The following GARNL3 variants were observed in gnomAD, a reference collection of about 807,000 sequenced individuals.
GARNL3 encodes the protein GTPase activating Rap/RanGAP domain like 3.
A neutral mutation model predicts 125.0 loss-of-function variants in GARNL3; 63 were observed. The ratio of observed to expected loss-of-function variants is 0.50; its 90% confidence interval spans 0.41 to 0.62. The LOEUF is 0.62. Among genes scored for constraint, GARNL3 ranks in the 20% least tolerant of loss-of-function variants. The probability of loss-of-function intolerance (pLI) is 0.00; values close to 1 mark genes in which losing one functional copy is unlikely to be tolerated. For missense variants in GARNL3, 994 were observed against 1,244.0 expected (o/e 0.80, Z 3.02); for synonymous variants, 439 against 457.5 (o/e 0.96, Z 0.52).
intron 22 of GARNL3, among the ~76,000 whole-genome samples, chr9:127,371,180 G>A (rs562301251): frequency 6.6e-6 from 1 of 152,252 alleles, no homozygotes; most frequent in African/African-American, 2.4e-5. Context: ...TATCTTTTAT[G>A]GACCAGTCAC....
intron 1 of GARNL3, among the ~76,000 whole-genome samples, chr9:127,277,584 G>T (rs988313744): frequency 6.6e-6 from 1 of 151,610 alleles, no homozygotes; most frequent in Non-Finnish European, 1.5e-5. Context: ...TTTTGCTTAT[G>T]AAATAAAGTA....
At chr9:127,299,307 CAAAAAAAAAA>C (rs774997294) in intron 2 of GARNL3, among the ~76,000 whole-genome samples, 3 of 22,570 alleles carry the variant, frequency 1.3e-4, no homozygotes, top group African/African-American at 2.8e-4. Context: ...GACTCCGTCT[CAAAAAAAAAA>C]AAAAAAAAAA....
upstream of GARNL3, chr9:127,263,534 C>A: frequency 4.0e-6 from 1 of 250,890 alleles, no homozygotes; most frequent in Non-Finnish European, 6.3e-6. Flanking sequence ...ATGGCAGTAG[C>A]CTCCAGGAAG....
chr9:127,365,861 AT>A (rs1470874451), intron 22 of GARNL3, among the ~76,000 whole-genome samples: 1 of 152,128 alleles, frequency 6.6e-6, no homozygotes, highest in Non-Finnish European at 1.5e-5. Flanking sequence ...CACTGTCGCT[AT>A]TCTACATTTT....
chr9:127,353,481 CTT>C (rs61634410), intron 17 of GARNL3: 486 of 144,828 alleles, frequency 3.4e-3, no homozygotes, highest in South Asian at 6.9e-3. Context: ...AATGGCTGCT[CTT>C]TTTTTTTTTT....
Position 127,291,261 on chromosome 9 carries a change from T to C in GARNL3, c.219+19T>C. ...AGATGAGGTAAGGAAGCCTCCCCAC[T>C]TCCTGTAATGCCACCAAGCACATGA... On this transcript the variant is annotated intron_variant, in intron 2 of 27. Transcript: ENST00000373387. 6.2e-7 allele frequency: 1 copy of C among 1,603,778 alleles called. No homozygotes were observed. The highest frequency in any genetic ancestry group is 1.1e-5 in the South Asian group (1 of 90,758).
chr9:127,263,604 G>C (rs1044023490), upstream of GARNL3: 1 of 789,760 alleles, frequency 1.3e-6, no homozygotes, highest in African/African-American at 1.9e-5. Flanking sequence ...GATTGGAATA[G>C]ACCATGGAGG....
chr9:127,290,508 A>C, intron 1 of GARNL3, among the ~76,000 whole-genome samples: 1 of 152,206 alleles, frequency 6.6e-6, no homozygotes, highest in Non-Finnish European at 1.5e-5. Flanking sequence ...TGCTTTCCCA[A>C]GTCACTACTG....
At chr9:127,247,654 A>G (rs771302325) in intron 2 of GARNL3, among the ~76,000 whole-genome samples, 7 of 151,992 alleles carry the variant, frequency 4.6e-5, no homozygotes, top group Non-Finnish European at 8.8e-5. Context: ...TTGTGGGTAC[A>G]TAGTAGGTGT....
chr9:127,388,782 A>G lies in GARNL3; in HGVS notation c.2528-122A>G, dbSNP rs1588984970. 43 of 688,342 alleles carry G rather than the reference A, an allele frequency of 6.2e-5. No individual in the cohort carries two copies. The East Asian group carries it at 1.1e-3, about 18-fold the overall frequency. 42.6% of individuals were successfully genotyped at this position (688,342 alleles called of 1,614,324 possible). A position where few individuals can be genotyped will look rare whatever the true frequency, so the allele number is the denominator to read the frequency against. ...TGGCCAGCCCTCCCAGTGGGACATT[A>G]CAGATCAGTGTGTGACATAACGTCT... On this transcript the variant is annotated intron_variant, in intron 25 of 27. Coordinates refer to ENST00000373387, the MANE Select transcript of GARNL3 (RefSeq NM_032293.5).
chr9:127,376,612 G>A (rs1831934529), intron 22 of GARNL3, among the ~76,000 whole-genome samples: 1 of 150,712 alleles, frequency 6.6e-6, no homozygotes, highest in Admixed American at 6.6e-5. Context: ...CTTTTTTATG[G>A]GACGTTTTAA....
rs528160427 is a variant in GARNL3 at position 127,341,948 on chromosome 9, T to C, written c.1136-271T>C. 2.0e-5 allele frequency among the ~76,000 whole-genome samples: 3 copies of C among 151,956 alleles called. No homozygotes were observed. In the East Asian group the frequency reaches 5.8e-4, roughly 29 times the overall value. On this transcript the variant is annotated intron_variant, in intron 13 of 27. Coordinates refer to ENST00000373387, the MANE Select transcript of GARNL3 (RefSeq NM_032293.5). ...AGGTAGCAGCCGGCGGATCATAGAG[T>C]CTCGGAATTCCAAAGTGGATTGAGC...
Position 127,353,944 on chromosome 9 carries a change from G to T in GARNL3, c.1642G>T (p.Gly548Ter). The T allele has an allele frequency of 6.2e-7, 1 of 1,603,194 alleles. No individual in the cohort carries two copies. The highest frequency in any genetic ancestry group is 8.5e-7 in the Non-Finnish European group (1 of 1,170,148). ...LDLLVLRADKGKDARLFVFRL... is the reference protein window; with the variant it reads ...LDLLVLRADK The stretch of plus-strand genomic sequence containing the variant: ...CCTTCTGGTTCTCAGAGCAGACAAA[G>T]GTGGTATTCCCTGCCGGGTGGCATG... The change falls in exon 18 of 28, where the codon GGA becomes TGA. Residue 548 changes from glycine to a stop codon, truncating the protein, a stop_gained and splice_region_variant. Transcript: ENST00000373387. LOFTEE classifies it high-confidence loss of function.
chr9:127,315,725 G>A (rs997525744), intron 4 of GARNL3, among the ~76,000 whole-genome samples: 1 of 151,344 alleles, frequency 6.6e-6, no homozygotes, highest in Admixed American at 6.6e-5. Context: ...TATCTCTACT[G>A]TGTTTCTTCT....
intron 1 of GARNL3, among the ~76,000 whole-genome samples, chr9:127,239,372 C>T (rs374982258): frequency 9.9e-5 from 15 of 152,200 alleles, no homozygotes; most frequent in Non-Finnish European, 1.6e-4. Context: ...TGCCAGTCCT[C>T]ACCCCTCCAA....
At chr9:127,342,410 A>AGGTC (rs1829909911) in intron 14 of GARNL3, 76 bp downstream of exon 14, 4 of 982,918 alleles carry the variant, frequency 4.1e-6, no homozygotes, top group Non-Finnish European at 6.5e-6. Flanking sequence ...CTCAGCGATG[A>AGGTC]GGCCCTGGTG....
chr9:127,264,837 C>CG lies in GARNL3; in HGVS notation c.-37dup. ...AGGAGGCTCCCCTGCAGTGAGGAGC[C>CG]GGGGCACTGCAAGTCTGTTCCATAG... On this transcript the variant is annotated 5_prime_UTR_variant, in exon 1 of 28. Coordinates refer to ENST00000373387, the MANE Select transcript of GARNL3 (RefSeq NM_032293.5). 6.7e-7 allele frequency: 1 copy of CG among 1,491,672 alleles called. No homozygotes were observed. Among genetic ancestry groups the CG allele is most frequent in the Non-Finnish European group, 9.0e-7 (1 of 1,108,936 alleles). The allele number at this position is 1,491,672 out of a possible 1,614,324, so 92.4% of individuals were successfully genotyped here. A position where few individuals can be genotyped will look rare whatever the true frequency, so the allele number is the denominator to read the frequency against.
intron 7 of GARNL3, among the ~76,000 whole-genome samples, chr9:127,331,025 A>ATC (rs895468175): frequency 2.6e-5 from 4 of 152,148 alleles, no homozygotes; most frequent in Non-Finnish European, 5.9e-5. Flanking sequence ...TGCTTTAAAT[A>ATC]TCTTTGTCCC....
At chr9:127,274,641 A>G (rs1291937375) in intron 1 of GARNL3, among the ~76,000 whole-genome samples, 1 of 152,008 alleles carries the variant, frequency 6.6e-6, no homozygotes, top group Non-Finnish European at 1.5e-5. Flanking sequence ...AGGCTCCTCA[A>G]CCTTATGCTG....
Sources: allele counts gnomAD v4.1 joint callset (sites outside exome capture counted in the v4.1 genomes callset), GRCh38; gene constraint gnomAD v4.1.1; transcripts MANE v1.5; gene names NCBI Gene and HGNC (gene_info 2026-07-23, HGNC 2026-07-21).